PDE4DIP: variants seen among roughly 807,000 people sequenced by gnomAD.
The protein encoded by PDE4DIP is myomegalin.
In PDE4DIP, 59 loss-of-function variants were observed where a neutral mutation model predicts 221.4. The ratio of observed to expected loss-of-function variants is 0.27; its 90% CI spans 0.22 to 0.33. The LOEUF is 0.33. Among genes scored for constraint, PDE4DIP ranks in the 10% least tolerant of loss-of-function variants. PDE4DIP has a pLI of 1.00. For synonymous variants in PDE4DIP, 404 were observed against 815.9 expected (o/e 0.50, Z 8.60); for missense variants, 1,036 against 2,154.2 (o/e 0.48, Z 10.28).
exon 30 of PDE4DIP, chr1:149,009,655 C>T (rs1340319880): frequency 2.5e-6 from 4 of 1,614,090 alleles, no homozygotes; most frequent in Admixed American, 3.3e-5. Context: ...CCTCCAGCAG[C>T]CATGCCTTGT....
At chr1:148,943,950 T>C (rs1395755042) in intron 5 of PDE4DIP, among the ~76,000 whole-genome samples, 6 of 152,004 alleles carry the variant, frequency 3.9e-5, no homozygotes, top group African/African-American at 1.4e-4. Flanking sequence ...AGGTCTCTTT[T>C]TATAAGGACA....
At chr1:148,954,031 T>C (rs1196191430) in intron 5 of PDE4DIP, 29 of 682,298 alleles carry the variant, frequency 4.3e-5, no homozygotes, top group Non-Finnish European at 5.9e-5. Context: ...GACCCCATTT[T>C]TGCTGCACCT....
chr1:149,023,787 T>C lies in PDE4DIP; in HGVS notation c.6086-658T>C, dbSNP rs1407584020. Among the ~76,000 whole-genome samples the C allele has an allele frequency of 3.8e-4, 51 of 134,586 alleles. 7 individuals carry two copies. Among genetic ancestry groups the C allele is most frequent in the African/African-American group, 1.2e-3 (41 of 35,160 alleles). 88.3% of individuals were successfully genotyped at this position (134,586 alleles called of 152,430 possible). ...GTACATGTATATGTGTGTACATATA[T>C]ATGTACATGTATATGTGTGCACATA... is the stretch of plus-strand genomic sequence containing the variant. On this transcript the variant is annotated intron_variant, in intron 37 of 43. Coordinates refer to ENST00000369354, the Ensembl canonical transcript of PDE4DIP.
intron 1 of PDE4DIP, among the ~76,000 whole-genome samples, chr1:148,918,651 A>G (rs1373303696): frequency 0.032 from 4,158 of 128,322 alleles, 374 homozygotes; most frequent in Non-Finnish European, 0.04. Flanking sequence ...ACACACACAC[A>G]CACACACCCT....
In PDE4DIP at chr1:148,890,780, G is replaced by A. The variant is rs587750025; in HGVS notation, c.141+886G>A. On this transcript the variant is annotated intron_variant, in intron 1 of 43. Coordinates refer to ENST00000369354, the Ensembl canonical transcript of PDE4DIP. ...AAAAAAAAAAAAAAAAAAAAAATTC[G>A]TACCAAAGGGGTGGCACTATGTTGT... Among the ~76,000 whole-genome samples the A allele has an allele frequency of 5.7e-4, 53 of 93,432 alleles. 2 individuals carry two copies. The East Asian group carries it at 6.0e-3, about 11-fold the overall frequency. The allele number at this position is 93,432 out of a possible 152,430, so 61.3% of individuals were successfully genotyped here.
chr1:148,978,926 C>A (rs1188378762), intron 19 of PDE4DIP, among the ~76,000 whole-genome samples: 2 of 151,764 alleles, frequency 1.3e-5, no homozygotes, highest in East Asian at 1.9e-4. Flanking sequence ...AGCAGCAGTT[C>A]TTTTGGACAC....
intron 4 of PDE4DIP, among the ~76,000 whole-genome samples, chr1:148,934,252 T>C (rs879946856): frequency 2.6e-5 from 4 of 152,144 alleles, no homozygotes; most frequent in South Asian, 2.1e-4. Flanking sequence ...CTCAGTATGG[T>C]ACTGTATTTG....
chr1:148,893,106 TA>T (rs1553438794), intron 1 of PDE4DIP, among the ~76,000 whole-genome samples: 6 of 127,266 alleles, frequency 4.7e-5, no homozygotes, highest in African/African-American at 9.1e-5. Flanking sequence ...TGTGTGTATG[TA>T]TTTTTTTTTT....
Position 149,025,303 on chromosome 1 carries a change from G to A in PDE4DIP, c.6325+619G>A, listed in dbSNP as rs1178796734. On this transcript the variant is annotated intron_variant, in intron 38 of 43. Transcript: ENST00000369354. ...CATTGTGCCCTGTCTCAGTATTGCC[G>A]ACCTTCCCAGATTCTCTAGTCCCCC... Among the ~76,000 whole-genome samples, 414 of 152,078 alleles carry A rather than the reference G, an allele frequency of 2.7e-3. 1 individual carries two copies. The highest frequency in any genetic ancestry group is 7.5e-3 in the African/African-American group (312 of 41,506).
rs111549448 is a variant in PDE4DIP at position 148,987,472 on chromosome 1, G to A, written c.2816-4413G>A. Among the ~76,000 whole-genome samples the A allele has an allele frequency of 3.1e-3, 472 of 152,264 alleles. 5 individuals are homozygous for A. Among genetic ancestry groups the A allele is most frequent in the African/African-American group, 0.011 (444 of 41,562 alleles). The stretch of plus-strand genomic sequence containing the variant: ...AAATGTGAGCGTTCTTGTAATGAAC[G>A]CATGGCAGTGTACCTGGGAGTCAGA... On this transcript the variant is annotated intron_variant, in intron 21 of 43. Coordinates refer to ENST00000369354, the Ensembl canonical transcript of PDE4DIP.
exon 24 of PDE4DIP, chr1:149,001,686 A>G (rs1224765395): frequency 3.5e-5 from 57 of 1,609,190 alleles, no homozygotes; most frequent in Non-Finnish European, 4.6e-5. Flanking sequence ...GAAGACAAGG[A>G]GAAGGGCGAG....
At chr1:149,031,682 G>T (rs3863687) in intron 43 of PDE4DIP, among the ~76,000 whole-genome samples, 1 of 139,934 alleles carries the variant, frequency 7.1e-6, no homozygotes, top group Non-Finnish European at 1.5e-5. Flanking sequence ...GCCCCTGAAG[G>T]GGGAGTGGTA....
intron 2 of PDE4DIP, chr1:148,929,697 T>C (rs1553468238): frequency 6.3e-6 from 1 of 158,468 alleles, no homozygotes; most frequent in Admixed American, 6.1e-5. Context: ...ACATTTTTAG[T>C]ATGGGATGCT....
intron 1 of PDE4DIP, among the ~76,000 whole-genome samples, chr1:148,917,030 AG>A (rs2044242607): frequency 1.4e-5 from 2 of 146,292 alleles, no homozygotes; most frequent in South Asian, 4.5e-4. Context: ...TGCTAAATTA[AG>A]CCCAGCCAGG....
chr1:148,821,519 T>A (rs1778632), intron 1 of PDE4DIP, among the ~76,000 whole-genome samples: 3 of 150,130 alleles, frequency 2.0e-5, no homozygotes, highest in Admixed American at 6.6e-5. Context: ...TTTAAAAAAA[T>A]TTCGTTAGAG....
chr1:148,977,492 T>C (rs1426702165), intron 17 of PDE4DIP, among the ~76,000 whole-genome samples: 4 of 130,874 alleles, frequency 3.1e-5, no homozygotes, highest in Non-Finnish European at 4.8e-5. Context: ...AGTCATGTAA[T>C]GTTTGGTGAT....
intron 5 of PDE4DIP, among the ~76,000 whole-genome samples, chr1:148,954,314 C>G (rs1310078880): frequency 1.3e-5 from 2 of 151,416 alleles, no homozygotes; most frequent in Non-Finnish European, 2.9e-5. Flanking sequence ...CAATGGTTTT[C>G]TGTAAGGCAG....
intron 14 of PDE4DIP, among the ~76,000 whole-genome samples, chr1:148,971,280 G>A (rs1333746197): frequency 6.6e-6 from 1 of 150,674 alleles, no homozygotes; most frequent in Non-Finnish European, 1.5e-5. Context: ...ACCGTACTGG[G>A]TGCTTGAGAT....
At chr1:149,006,465 A>T (rs1376581647) in intron 27 of PDE4DIP, 1 of 152,228 alleles carries the variant, frequency 6.6e-6, no homozygotes, top group Non-Finnish European at 1.5e-5. Flanking sequence ...AGTCAGCCAC[A>T]GTATCGTAAC....
Sources: allele counts gnomAD v4.1 joint callset (sites outside exome capture counted in the v4.1 genomes callset), GRCh38; gene constraint gnomAD v4.1.1; transcripts MANE v1.5; gene names NCBI Gene and HGNC (gene_info 2026-07-23, HGNC 2026-07-21).